DGKB: variants seen among roughly 807,000 people sequenced by gnomAD.
The protein encoded by DGKB is diacylglycerol kinase beta, also known as 90 kDa diacylglycerol kinase.
Under a neutral mutation model 114.3 loss-of-function variants are expected in DGKB, and 67 were observed. The observed-to-expected ratio is 0.59, with a 90% CI of 0.48 to 0.72. The LOEUF (loss-of-function observed/expected upper bound fraction) is 0.72, where lower values mean the gene tolerates loss of function less well. DGKB is among the 30% of genes least tolerant of loss of function. The pLI is 0.00. For synonymous variants in DGKB, 398 were observed against 323.1 expected (o/e 1.23, Z -2.49); for missense variants, 907 against 975.2 (o/e 0.93, Z 0.93).
intron 20 of DGKB, among the ~76,000 whole-genome samples, chr7:14,551,430 G>A (rs952876059): frequency 5.3e-5 from 8 of 152,202 alleles, no homozygotes; most frequent in Non-Finnish European, 1.0e-4. Context: ...CTTTCCAGAA[G>A]CCTTTACAAT....
upstream of DGKB, chr7:14,903,119 GATGA>G (rs1562860477): frequency 6.6e-6 from 1 of 152,140 alleles, no homozygotes; most frequent in Non-Finnish European, 1.5e-5. Context: ...ATTTGTCAGA[GATGA>G]AATACCTGTT....
At chr7:14,498,471 T>C (rs1364035430) in intron 20 of DGKB, among the ~76,000 whole-genome samples, 1 of 151,744 alleles carries the variant, frequency 6.6e-6, no homozygotes, top group Non-Finnish European at 1.5e-5. Context: ...AGACCAGAGA[T>C]TCAGAGAATA....
intron 23 of DGKB, among the ~76,000 whole-genome samples, chr7:14,244,292 C>G (rs1794104910): frequency 6.6e-6 from 1 of 152,088 alleles, no homozygotes; most frequent in Non-Finnish European, 1.5e-5. Flanking sequence ...AGCTCAATGA[C>G]ACTGTTATAG....
At chr7:14,879,604 T>C (rs573344231) in intron 1 of DGKB, among the ~76,000 whole-genome samples, 5 of 152,336 alleles carry the variant, frequency 3.3e-5, no homozygotes, top group African/African-American at 1.2e-4. Flanking sequence ...TATCTCCCTG[T>C]GATCTTTAAT....
At chr7:14,540,179 G>A (rs892176115) in intron 20 of DGKB, among the ~76,000 whole-genome samples, 1 of 151,972 alleles carries the variant, frequency 6.6e-6, no homozygotes, top group Non-Finnish European at 1.5e-5. Flanking sequence ...ATCATTTTGG[G>A]AGGTATAATA....
At chr7:14,806,222 G>A (rs1459811404) in intron 2 of DGKB, among the ~76,000 whole-genome samples, 4 of 151,918 alleles carry the variant, frequency 2.6e-5, no homozygotes, top group Non-Finnish European at 5.9e-5. Context: ...GTGCTATGTT[G>A]TGATGTTTAT....
chr7:14,773,811 C>A (rs559668290), intron 2 of DGKB, among the ~76,000 whole-genome samples: 1 of 152,128 alleles, frequency 6.6e-6, no homozygotes, highest in Non-Finnish European at 1.5e-5. Flanking sequence ...ACTTGGCCTA[C>A]ATTTTGTGGG....
chr7:14,687,741 G>C (rs975519894), intron 9 of DGKB, among the ~76,000 whole-genome samples: 1 of 152,152 alleles, frequency 6.6e-6, no homozygotes, highest in Non-Finnish European at 1.5e-5. Context: ...TACTGTTCTT[G>C]TAATTCTTGT....
intron 23 of DGKB, among the ~76,000 whole-genome samples, chr7:14,294,041 T>A (rs1323978490): frequency 6.6e-6 from 1 of 152,174 alleles, no homozygotes; most frequent in African/African-American, 2.4e-5. Context: ...AAGCTCCATT[T>A]CTTTCTGGAG....
At chr7:14,942,784 A>G (rs1785639280) in intron 1 of DGKB, among the ~76,000 whole-genome samples, 1 of 152,066 alleles carries the variant, frequency 6.6e-6, no homozygotes, top group Non-Finnish European at 1.5e-5. Flanking sequence ...TAAAAATTCA[A>G]TATTTTTTTC....
At chr7:14,236,625 G>T (rs1013626127) in intron 23 of DGKB, among the ~76,000 whole-genome samples, 2 of 151,852 alleles carry the variant, frequency 1.3e-5, no homozygotes, top group Admixed American at 1.3e-4. Context: ...ACAAAGAAAA[G>T]TTCATAAAAT....
At chr7:14,601,976 T>A (rs1803631077) in intron 17 of DGKB, among the ~76,000 whole-genome samples, 1 of 151,536 alleles carries the variant, frequency 6.6e-6, no homozygotes, top group Admixed American at 6.6e-5. Context: ...CTCTTCCTCC[T>A]CCTCTTTCTC....
chr7:14,422,046 A>T (rs532352081), intron 21 of DGKB, among the ~76,000 whole-genome samples: 1 of 152,168 alleles, frequency 6.6e-6, no homozygotes, highest in South Asian at 2.1e-4. Context: ...GGTATATATA[A>T]AAATATTGAT....
At chr7:14,448,176 A>G (rs1304859266) in intron 21 of DGKB, among the ~76,000 whole-genome samples, 1 of 152,122 alleles carries the variant, frequency 6.6e-6, no homozygotes, top group Admixed American at 6.6e-5. Flanking sequence ...CAAAAATAAT[A>G]GAAGAGCCAC....
chr7:14,755,059 T>C (rs1834670649), intron 3 of DGKB, among the ~76,000 whole-genome samples: 1 of 152,158 alleles, frequency 6.6e-6, no homozygotes, highest in South Asian at 2.1e-4. Flanking sequence ...GTTTCTTTAT[T>C]TAAAAACTTT....
At chr7:14,558,419 T>C (rs1431991437) in intron 20 of DGKB, among the ~76,000 whole-genome samples, 3 of 152,128 alleles carry the variant, frequency 2.0e-5, no homozygotes, top group Non-Finnish European at 4.4e-5. Flanking sequence ...TCAACTTTGA[T>C]CCAATAATTA....
chr7:14,402,482 ATTT>A (rs1485618682), intron 21 of DGKB, among the ~76,000 whole-genome samples: 1 of 151,810 alleles, frequency 6.6e-6, no homozygotes, highest in Non-Finnish European at 1.5e-5. Flanking sequence ...GGAATTGCAT[ATTT>A]TAAAAATGAC....
chr7:14,497,130 A>G (rs542448052), intron 20 of DGKB, among the ~76,000 whole-genome samples: 154 of 151,884 alleles, frequency 1.0e-3, no homozygotes, highest in Non-Finnish European at 1.5e-3. Flanking sequence ...GTGGGAGGTA[A>G]GCTATGGGTA....
chr7:14,392,995 G>GTTTTTTTGTTTTTTTTT (rs1554404750), intron 21 of DGKB, among the ~76,000 whole-genome samples: 4 of 60,542 alleles, frequency 6.6e-5, no homozygotes, highest in Admixed American at 2.3e-4. Flanking sequence ...TTTTGTTTTT[G>GTTTTTTTGTTTTTTTTT]TTTTTTTTTT....
Sources: allele counts gnomAD v4.1 joint callset (sites outside exome capture counted in the v4.1 genomes callset), GRCh38; gene constraint gnomAD v4.1.1; transcripts MANE v1.5; gene names NCBI Gene and HGNC (gene_info 2026-07-23, HGNC 2026-07-21).